Variants in DNAH14 observed in about 807,000 individuals in gnomAD.
The protein encoded by DNAH14 is axonemal beta dynein heavy chain 14.
Under a neutral mutation model 520.9 loss-of-function variants are expected in DNAH14, and 478 were observed. That is an observed-to-expected ratio of 0.92 (90% confidence interval 0.85 to 0.99). DNAH14 has a LOEUF of 0.99. Among genes scored for constraint, DNAH14 ranks in the 50% least tolerant of loss-of-function variants. DNAH14 has a pLI of 0.00. For missense variants in DNAH14, 4,831 were observed against 5,234.5 expected (o/e 0.92, Z 2.38); for synonymous variants, 1,581 against 1,757.2 (o/e 0.90, Z 2.51).
chr1:225,321,966 A>C (rs1054704270), intron 61 of DNAH14, among the ~76,000 whole-genome samples: 2 of 152,080 alleles, frequency 1.3e-5, no homozygotes, highest in African/African-American at 4.8e-5. Context: ...CTCCCAACGC[A>C]TACACATGTA....
At chr1:225,245,530 G>T (rs1397171518) in intron 43 of DNAH14, among the ~76,000 whole-genome samples, 1 of 152,030 alleles carries the variant, frequency 6.6e-6, no homozygotes, top group South Asian at 2.1e-4. Flanking sequence ...AAAATCACAA[G>T]CATTCCTATA....
intron 3 of DNAH14, among the ~76,000 whole-genome samples, chr1:224,956,782 T>A (rs572586764): frequency 2.0e-5 from 3 of 152,094 alleles, no homozygotes; most frequent in East Asian, 1.9e-4. Context: ...CTGGCCTTCA[T>A]TGGGCCAGAA....
At chr1:225,384,040 G>C (rs2095810412) in intron 81 of DNAH14, among the ~76,000 whole-genome samples, 1 of 152,162 alleles carries the variant, frequency 6.6e-6, no homozygotes, top group Non-Finnish European at 1.5e-5. Context: ...CCATGTAGTT[G>C]AGCGGTTTTA....
chr1:224,988,448 C>T (rs898589039), intron 8 of DNAH14, among the ~76,000 whole-genome samples: 2 of 152,006 alleles, frequency 1.3e-5, no homozygotes, highest in Non-Finnish European at 2.9e-5. Context: ...GTTAGAATGG[C>T]GATTATTAGT....
intron 27 of DNAH14, among the ~76,000 whole-genome samples, chr1:225,134,364 G>T (rs939902787): frequency 1.6e-4 from 25 of 152,182 alleles, no homozygotes; most frequent in Admixed American, 9.2e-4. Flanking sequence ...CTGTGGCTTT[G>T]TCATATATAA....
At chr1:225,341,649 A>G (rs1295305076) in intron 69 of DNAH14, among the ~76,000 whole-genome samples, 1 of 152,218 alleles carries the variant, frequency 6.6e-6, no homozygotes, top group Non-Finnish European at 1.5e-5. Context: ...TTGGGTTAGA[A>G]GAGCAAAACT....
chr1:225,265,376 C>T lies in DNAH14; in HGVS notation c.7410+7C>T. On this transcript the variant is annotated splice_region_variant and intron_variant, in intron 48 of 85. Coordinates refer to ENST00000682510, the MANE Select transcript of DNAH14 (RefSeq NM_001367479.1). ...AGCACCAAAAAACAACCGGGTAAAA[C>T]ACCTCTCATACCTGTTCAATAATCT... is the stretch of plus-strand genomic sequence containing the variant. 6.5e-7 allele frequency: 1 copy of T among 1,531,652 alleles called. No homozygotes were observed. Among genetic ancestry groups the T allele is most frequent in the African/African-American group, 1.4e-5 (1 of 71,552 alleles). The allele number at this position is 1,531,652 out of a possible 1,614,324, so 94.9% of individuals were successfully genotyped here.
intron 23 of DNAH14, among the ~76,000 whole-genome samples, chr1:225,109,195 C>T (rs2076302965): frequency 6.6e-6 from 1 of 152,042 alleles, no homozygotes; most frequent in Admixed American, 6.5e-5. Context: ...TTTGGATATT[C>T]TGGGTCTTTT....
At chr1:225,008,846 G>A (rs183055261) in intron 10 of DNAH14, among the ~76,000 whole-genome samples, 96 of 151,780 alleles carry the variant, frequency 6.3e-4, no homozygotes, top group African/African-American at 1.9e-3. Flanking sequence ...ATGTTTGTTG[G>A]CCACATGAAT....
intron 11 of DNAH14, among the ~76,000 whole-genome samples, chr1:225,030,920 T>G (rs1240488699): frequency 1.3e-5 from 2 of 152,016 alleles, no homozygotes; most frequent in Non-Finnish European, 2.9e-5. Context: ...AAAGGCCTAC[T>G]GAGATTTTGA....
intron 38 of DNAH14, among the ~76,000 whole-genome samples, chr1:225,197,549 T>C (rs2086313577): frequency 6.6e-6 from 1 of 152,186 alleles, no homozygotes; most frequent in Non-Finnish European, 1.5e-5. Flanking sequence ...CATATAAATT[T>C]TAGGATTGTT....
chr1:225,185,189 A>C, intron 36 of DNAH14, 102 bp from the exon 37 acceptor site: 1 of 1,269,220 alleles, frequency 7.9e-7, no homozygotes, highest in Non-Finnish European at 1.1e-6. Flanking sequence ...AAACTCATTT[A>C]TTATAGCCAC....
chr1:225,250,010 G>T (rs2092471709), intron 43 of DNAH14, among the ~76,000 whole-genome samples: 1 of 152,146 alleles, frequency 6.6e-6, no homozygotes, highest in Non-Finnish European at 1.5e-5. Flanking sequence ...TAAAGTTTGG[G>T]ACTATTATGG....
intron 2 of DNAH14, 59 bp downstream of exon 2, chr1:224,952,838 G>A: frequency 7.8e-7 from 1 of 1,275,532 alleles, no homozygotes. Flanking sequence ...AGCAGTGTAT[G>A]GCTGGTGGTA....
At chr1:225,042,064 A>ATATC (rs2067527517) in intron 12 of DNAH14, among the ~76,000 whole-genome samples, 1 of 152,190 alleles carries the variant, frequency 6.6e-6, no homozygotes, top group Admixed American at 6.5e-5. Context: ...GTCACCTTCA[A>ATATC]TATCTACTCA....
At chr1:225,009,031 GT>G (rs201236361) in intron 10 of DNAH14, among the ~76,000 whole-genome samples, 8,372 of 152,124 alleles carry the variant, frequency 0.055, 471 homozygotes, top group East Asian at 0.24. Context: ...TGGATAGATT[GT>G]AAAAATTTTC....
At chr1:224,935,778 A>G (rs866308254) in intron 1 of DNAH14, among the ~76,000 whole-genome samples, 2 of 151,900 alleles carry the variant, frequency 1.3e-5, no homozygotes, top group African/African-American at 4.8e-5. Flanking sequence ...TTATTAGCAC[A>G]TGGAATGTTC....
chr1:225,299,179 G>GC (rs1558306861), intron 55 of DNAH14, among the ~76,000 whole-genome samples: 1 of 152,196 alleles, frequency 6.6e-6, no homozygotes, highest in Admixed American at 6.5e-5. Context: ...AGCAAAAATT[G>GC]CTAATCACTC....
chr1:225,220,935 T>C (rs1207818537), intron 41 of DNAH14, among the ~76,000 whole-genome samples: 1 of 152,188 alleles, frequency 6.6e-6, no homozygotes, highest in African/African-American at 2.4e-5. Flanking sequence ...AAAAACAGCA[T>C]GGTACTGGTA....
Sources: allele counts gnomAD v4.1 joint callset (sites outside exome capture counted in the v4.1 genomes callset), GRCh38; gene constraint gnomAD v4.1.1; transcripts MANE v1.5; gene names NCBI Gene and HGNC (gene_info 2026-07-23, HGNC 2026-07-21).